ERP44: variants seen among roughly 807,000 people sequenced by gnomAD.
The protein encoded by ERP44 is endoplasmic reticulum resident protein 44.
In ERP44, 25 loss-of-function variants were observed where a neutral mutation model predicts 53.4. The observed-to-expected ratio is 0.47, with a 90% CI of 0.34 to 0.65. The LOEUF is 0.65. ERP44 is among the 30% of genes least tolerant of loss of function. The pLI, the probability that ERP44 is intolerant of heterozygous loss-of-function variation, is 0.01. For missense variants in ERP44, 338 were observed against 493.2 expected (o/e 0.69, Z 2.98); for synonymous variants, 145 against 161.2 (o/e 0.90, Z 0.76).
At chr9:100,085,890 ACT>A (rs1353332587) in intron 1 of ERP44, among the ~76,000 whole-genome samples, 2 of 152,214 alleles carry the variant, frequency 1.3e-5, no homozygotes, top group South Asian at 2.1e-4. Context: ...CAAGAGCGAA[ACT>A]CTGTCTCAAA....
In ERP44 at chr9:100,048,955, T is replaced by A. The variant is rs1056304308; in HGVS notation, c.286+3462A>T. Among the ~76,000 whole-genome samples, 4 of 152,332 alleles carry A rather than the reference T, an allele frequency of 2.6e-5. No individual in the cohort carries two copies. In the South Asian group the frequency reaches 8.3e-4, roughly 32 times the overall value. ...GAGACTGGTTGCACAACAATGTGAATACATTTAACAGTATTAAATTGTACA... is the reference window on the plus strand; with the variant it reads ...GAGACTGGTTGCACAACAATGTGAAAACATTTAACAGTATTAAATTGTACA... On this transcript the variant is annotated intron_variant, in intron 4 of 11. Transcript: ENST00000262455.
At chr9:100,068,728 G>A (rs1343467741) in intron 1 of ERP44, among the ~76,000 whole-genome samples, 9 of 146,824 alleles carry the variant, frequency 6.1e-5, no homozygotes, top group Admixed American at 6.7e-5. Context: ...GCCTCTGCCC[G>A]GCCGCCCCTA....
intron 4 of ERP44, among the ~76,000 whole-genome samples, chr9:100,051,969 C>G (rs1334815388): frequency 1.3e-5 from 2 of 152,088 alleles, no homozygotes; most frequent in South Asian, 2.1e-4. Flanking sequence ...AGAATCTTTT[C>G]AAAAACAGAA....
intron 9 of ERP44, 118 bp downstream of exon 9, chr9:100,007,459 AT>A (rs1402439082): frequency 3.2e-6 from 2 of 633,876 alleles, no homozygotes; most frequent in African/African-American, 3.7e-5. Context: ...ATGTGTTAAA[AT>A]AAGTTTTTAA....
At chr9:100,055,283 T>G (rs1423258091) in intron 3 of ERP44, among the ~76,000 whole-genome samples, 2 of 152,006 alleles carry the variant, frequency 1.3e-5, no homozygotes, top group Non-Finnish European at 2.9e-5. Flanking sequence ...TTTAAATAAC[T>G]AAAAGAGTAA....
chr9:100,014,516 C>T (rs755993338), intron 8 of ERP44, among the ~76,000 whole-genome samples: 41 of 152,104 alleles, frequency 2.7e-4, no homozygotes, highest in Non-Finnish European at 5.3e-4. Flanking sequence ...CTCGAACTCC[C>T]GACCTCAGGT....
intron 4 of ERP44, among the ~76,000 whole-genome samples, chr9:100,045,343 T>C (rs557399165): frequency 2.6e-5 from 4 of 152,332 alleles, no homozygotes; most frequent in Middle Eastern, 3.4e-3. Flanking sequence ...CCCGTCAGAA[T>C]AGATATCACA....
At chr9:99,995,777 C>T (rs1162147031) in intron 10 of ERP44, among the ~76,000 whole-genome samples, 1 of 152,172 alleles carries the variant, frequency 6.6e-6, no homozygotes, top group Non-Finnish European at 1.5e-5. Context: ...CATCTGTAGA[C>T]AGACACTTGG....
chr9:100,074,513 G>T (rs533393065), intron 1 of ERP44, among the ~76,000 whole-genome samples: 1 of 152,096 alleles, frequency 6.6e-6, no homozygotes, highest in Non-Finnish European at 1.5e-5. Context: ...ATTATAAACC[G>T]AGAATCATGG....
At position 100,019,743 on chromosome 9, in the gene ERP44, G is replaced by A. The variant is rs550551465; in HGVS notation, c.587+873C>T. ...GGGATTCAATGTAAGTGTTGACACA[G>A]CAAAAAAAGAAAAAGGTAGTTGAAC... On this transcript the variant is annotated intron_variant, in intron 6 of 11. Coordinates refer to ENST00000262455, the MANE Select transcript of ERP44 (RefSeq NM_015051.3). Among the ~76,000 whole-genome samples the A allele has an allele frequency of 2.6e-5, 4 of 152,088 alleles. No individual in the cohort carries two copies. In the East Asian group the frequency reaches 5.8e-4, roughly 22 times the overall value.
At chr9:99,986,347 AT>A (rs1319333212) in intron 10 of ERP44, among the ~76,000 whole-genome samples, 2 of 152,026 alleles carry the variant, frequency 1.3e-5, no homozygotes, top group Middle Eastern at 3.2e-3. Context: ...CAAATTAAGC[AT>A]TTTTTTCATT....
chr9:100,012,837 A>G (rs905185567), intron 8 of ERP44, among the ~76,000 whole-genome samples: 35 of 152,300 alleles, frequency 2.3e-4, no homozygotes, highest in South Asian at 4.1e-4. Context: ...CATTATATAA[A>G]CAAACATAAG....
At chr9:99,988,953 G>A (rs1228707426) in intron 10 of ERP44, among the ~76,000 whole-genome samples, 2 of 152,254 alleles carry the variant, frequency 1.3e-5, no homozygotes, top group South Asian at 2.1e-4. Flanking sequence ...AGTCCGAGAT[G>A]GAACTGCGAG....
intron 1 of ERP44, among the ~76,000 whole-genome samples, chr9:100,090,352 T>C (rs1826538257): frequency 6.6e-6 from 1 of 152,198 alleles, no homozygotes; most frequent in Non-Finnish European, 1.5e-5. Flanking sequence ...CAATACATTA[T>C]CTTACACTTG....
chr9:100,058,353 G>C (rs946200506), intron 2 of ERP44, among the ~76,000 whole-genome samples: 24 of 152,266 alleles, frequency 1.6e-4, no homozygotes, highest in Non-Finnish European at 3.1e-4. Flanking sequence ...TGGGATTACA[G>C]GCATGAGCCA....
intron 7 of ERP44, among the ~76,000 whole-genome samples, chr9:100,016,708 C>G (rs1252876218): frequency 1.3e-5 from 2 of 152,094 alleles, no homozygotes; most frequent in East Asian, 3.9e-4. Context: ...TGTTATGTTG[C>G]CCAGGCTAAA....
chr9:100,062,468 A>G (rs904864405), intron 1 of ERP44, among the ~76,000 whole-genome samples: 1 of 152,172 alleles, frequency 6.6e-6, no homozygotes, highest in Non-Finnish European at 1.5e-5. Flanking sequence ...CCTGTGTGCT[A>G]AAGAAAAACT....
chr9:100,061,563 C>T lies in ERP44; in HGVS notation c.58-1391G>A, dbSNP rs534306587. ...ATAGAAACGTATATATTTATAGAAA[C>T]GTATATATTTATAGAAACGTATATA... On this transcript the variant is annotated intron_variant, in intron 1 of 11. Coordinates refer to ENST00000262455, the MANE Select transcript of ERP44 (RefSeq NM_015051.3). Among the ~76,000 whole-genome samples the T allele has an allele frequency of 1.6e-4, 22 of 137,770 alleles. No homozygotes were observed. In the East Asian group the frequency reaches 1.6e-3, roughly 10 times the overall value. 90.4% of individuals were successfully genotyped at this position (137,770 alleles called of 152,430 possible). A position where few individuals can be genotyped will look rare whatever the true frequency, so the allele number is the denominator to read the frequency against.
intron 10 of ERP44, among the ~76,000 whole-genome samples, chr9:99,995,054 CAT>C (rs1242162356): frequency 2.6e-5 from 4 of 151,968 alleles, no homozygotes; most frequent in Admixed American, 6.6e-5. Context: ...AGATTCTGCA[CAT>C]GTTTTGTTTG....
Sources: allele counts gnomAD v4.1 joint callset (sites outside exome capture counted in the v4.1 genomes callset), GRCh38; gene constraint gnomAD v4.1.1; transcripts MANE v1.5; gene names NCBI Gene and HGNC (gene_info 2026-07-23, HGNC 2026-07-21).